Variants in INPP5B observed in about 807,000 individuals in gnomAD.
The protein encoded by INPP5B is inositol polyphosphate-5-phosphatase B.
In INPP5B, 90 loss-of-function variants were observed where a neutral mutation model predicts 118.5. The ratio of observed to expected loss-of-function variants is 0.76; its 90% CI spans 0.64 to 0.90. The LOEUF is 0.90. Among genes scored for constraint, INPP5B ranks in the 40% least tolerant of loss-of-function variants. The pLI is 0.00. For missense variants in INPP5B, 984 were observed against 1,125.6 expected, an observed-to-expected ratio of 0.87 and a Z score of 1.80; for synonymous variants, 385 against 418.9, an observed-to-expected ratio of 0.92 and a Z score of 0.99.
chr1:37,872,574 A>G (rs1040971994), intron 19 of INPP5B, among the ~76,000 whole-genome samples: 2 of 151,650 alleles, frequency 1.3e-5, no homozygotes, highest in Admixed American at 6.6e-5. Flanking sequence ...TGATGAGTCC[A>G]TGTGGTGAGT....
intron 7 of INPP5B, among the ~76,000 whole-genome samples, chr1:37,915,196 C>T (rs1306393513): frequency 6.6e-6 from 1 of 152,148 alleles, no homozygotes; most frequent in Admixed American, 6.5e-5. Context: ...GCAACATAGC[C>T]TAATATAGAC....
At chr1:37,865,075 T>TA (rs1641947478) in intron 22 of INPP5B, among the ~76,000 whole-genome samples, 1 of 151,848 alleles carries the variant, frequency 6.6e-6, no homozygotes, top group Non-Finnish European at 1.5e-5. Context: ...TAATCCCAGC[T>TA]ACTCAGGAGG....
At chr1:37,901,141 T>G (rs1357731819) in intron 7 of INPP5B, among the ~76,000 whole-genome samples, 2 of 152,156 alleles carry the variant, frequency 1.3e-5, no homozygotes, top group Admixed American at 1.3e-4. Flanking sequence ...TTCATTATTA[T>G]TGGATGCCAT....
At chr1:37,932,268 C>T (rs1278734403) in intron 6 of INPP5B, among the ~76,000 whole-genome samples, 1 of 152,116 alleles carries the variant, frequency 6.6e-6, no homozygotes, top group Admixed American at 6.5e-5. Flanking sequence ...TAACTATGTG[C>T]CAAGGTCTGT....
At chr1:37,908,052 C>T (rs1644557921) in intron 7 of INPP5B, among the ~76,000 whole-genome samples, 1 of 152,070 alleles carries the variant, frequency 6.6e-6, no homozygotes, top group Admixed American at 6.6e-5. Flanking sequence ...CTTTGTACAC[C>T]TATCCCAAAC....
At chr1:37,877,870 T>C (rs1377084914) in intron 16 of INPP5B, among the ~76,000 whole-genome samples, 1 of 152,162 alleles carries the variant, frequency 6.6e-6, no homozygotes, top group East Asian at 1.9e-4. Context: ...ATGTATAATA[T>C]GATCTCTTTT....
chr1:37,902,566 AT>A (rs1174769457), intron 7 of INPP5B, among the ~76,000 whole-genome samples: 2 of 151,856 alleles, frequency 1.3e-5, no homozygotes, highest in East Asian at 3.9e-4. Context: ...CAAAAAAAAA[AT>A]TTTTTTTGAG....
chr1:37,937,267 C>T (rs1423846315), intron 6 of INPP5B, among the ~76,000 whole-genome samples: 6 of 151,742 alleles, frequency 4.0e-5, no homozygotes, highest in South Asian at 4.2e-4. Flanking sequence ...GCCAAGATGG[C>T]GCCACTGCAC....
chr1:37,899,541 A>G (rs1414352739), intron 7 of INPP5B, among the ~76,000 whole-genome samples: 1 of 151,434 alleles, frequency 6.6e-6, no homozygotes, highest in Non-Finnish European at 1.5e-5. Context: ...CAGCCTGGGC[A>G]ACAAGAGCGA....
At chr1:37,909,819 G>A (rs945324484) in intron 7 of INPP5B, among the ~76,000 whole-genome samples, 4 of 152,118 alleles carry the variant, frequency 2.6e-5, no homozygotes, top group South Asian at 2.1e-4. Context: ...ACTTGCCTCC[G>A]CTGTGAGAGA....
intron 18 of INPP5B, 76 bp from the exon 19 acceptor site, chr1:37,873,241 G>A (rs1426633982): frequency 2.0e-6 from 2 of 1,017,356 alleles, no homozygotes; most frequent in East Asian, 2.4e-5. Flanking sequence ...GGAGGGAAGA[G>A]GGTAAGGCAT....
chr1:37,890,435 T>C (rs1570121383), intron 8 of INPP5B, among the ~76,000 whole-genome samples: 1 of 152,138 alleles, frequency 6.6e-6, no homozygotes, highest in Non-Finnish European at 1.5e-5. Flanking sequence ...ACAGGAATAA[T>C]CCAAAATAAA....
chr1:37,924,102 T>A (rs896029423), intron 7 of INPP5B, among the ~76,000 whole-genome samples: 1 of 150,978 alleles, frequency 6.6e-6, no homozygotes, highest in African/African-American at 2.4e-5. Flanking sequence ...CAGGAAGAAA[T>A]CCCCCTAGGA....
chr1:37,887,777 T>C (rs1412809890), intron 10 of INPP5B, among the ~76,000 whole-genome samples: 6 of 151,978 alleles, frequency 3.9e-5, no homozygotes, highest in Admixed American at 3.9e-4. Context: ...TCTACATAAA[T>C]TATGAATTCT....
Position 37,946,542 on chromosome 1 carries a change from G to A in INPP5B, c.-26-208C>T, listed in dbSNP as rs377434013. 6.8e-4 allele frequency among the ~76,000 whole-genome samples: 103 copies of A among 152,284 alleles called. 1 individual carries two copies. Among genetic ancestry groups the A allele is most frequent in the African/African-American group, 2.2e-3 (92 of 41,540 alleles). Reference sequence around the variant, plus strand: ...GATAGGGGTCCAGTCCCTTTGCCCCGCTGGGATCTACAGTTTGCTATACTG... The same window carrying A: ...GATAGGGGTCCAGTCCCTTTGCCCCACTGGGATCTACAGTTTGCTATACTG... On this transcript the variant is annotated intron_variant, in intron 1 of 23. Coordinates refer to ENST00000373024, the MANE Select transcript of INPP5B (RefSeq NM_005540.3).
At position 37,886,784 on chromosome 1, in the gene INPP5B, G is replaced by A. The variant is rs186308753; in HGVS notation, c.1131+104C>T. 36 of 791,762 alleles carry A rather than the reference G, an allele frequency of 4.5e-5. No individual in the cohort carries two copies. The Admixed American group carries it at 6.9e-4, about 15-fold the overall frequency. 49.0% of individuals were successfully genotyped at this position (791,762 alleles called of 1,614,324 possible). On this transcript the variant is annotated intron_variant, in intron 12 of 23. Coordinates refer to ENST00000373024, the MANE Select transcript of INPP5B (RefSeq NM_005540.3). Reference sequence around the variant, plus strand: ...GGGTATGATTCATCTTGGAATATTGGCACCTTCAAACTGGGACACGTGTAG... The same window carrying A: ...GGGTATGATTCATCTTGGAATATTGACACCTTCAAACTGGGACACGTGTAG...
intron 7 of INPP5B, among the ~76,000 whole-genome samples, chr1:37,924,661 C>G (rs1017049904): frequency 5.3e-5 from 8 of 151,882 alleles, no homozygotes; most frequent in African/African-American, 1.9e-4. Flanking sequence ...AATCCCAGCA[C>G]TTTGGGAGGC....
chr1:37,888,176 G>T, intron 10 of INPP5B, 67 bp downstream of exon 10: 3 of 958,966 alleles, frequency 3.1e-6, no homozygotes, highest in South Asian at 5.4e-5. Context: ...CTGTTGTGAA[G>T]ACCCATCCTT....
intron 6 of INPP5B, among the ~76,000 whole-genome samples, chr1:37,932,949 C>T (rs1645545877): frequency 6.6e-6 from 1 of 152,192 alleles, no homozygotes; most frequent in Admixed American, 6.5e-5. Context: ...GTCTCTGACT[C>T]AAACCCTCTG....
Sources: allele counts gnomAD v4.1 joint callset (sites outside exome capture counted in the v4.1 genomes callset), GRCh38; gene constraint gnomAD v4.1.1; transcripts MANE v1.5; gene names NCBI Gene and HGNC (gene_info 2026-07-23, HGNC 2026-07-21).